The following SAMD12 variants were observed in gnomAD, a reference collection of about 807,000 sequenced individuals.
SAMD12 encodes the protein sterile alpha motif domain-containing protein 12.
In SAMD12, 9 loss-of-function variants were observed where a neutral mutation model predicts 15.0. The observed-to-expected ratio is 0.60, with a 90% CI of 0.36 to 1.05. The LOEUF (loss-of-function observed/expected upper bound fraction) is 1.05. Among genes scored for constraint, SAMD12 ranks in the 50% least tolerant of loss-of-function variants. The pLI is 0.01. For missense variants in SAMD12, 230 were observed against 234.2 expected (o/e 0.98, Z 0.12); for synonymous variants, 86 against 90.1 (o/e 0.96, Z 0.25).
downstream of SAMD12, among the ~76,000 whole-genome samples, chr8:118,188,986 G>C (rs1316475044): frequency 1.3e-5 from 2 of 152,128 alleles, no homozygotes; most frequent in Non-Finnish European, 2.9e-5. Context: ...CCATCTTAGA[G>C]AGATGGAGCA....
intron 2 of SAMD12, among the ~76,000 whole-genome samples, chr8:118,551,153 A>G (rs928412698): frequency 6.6e-6 from 1 of 152,184 alleles, no homozygotes; most frequent in Non-Finnish European, 1.5e-5. Flanking sequence ...CAGGAATGGA[A>G]ATCAGCTCTG....
chr8:118,580,886 G>A lies in SAMD12; in HGVS notation c.21C>T (p.His7=). The A allele has an allele frequency of 1.9e-6, 3 of 1,606,974 alleles. No homozygotes were observed. The highest frequency in any genetic ancestry group is 2.5e-6 in the Non-Finnish European group (3 of 1,177,328). ...CAATACCCCGTGGATTCAAACCACAGTGGAGAGCTAGGAAAAAGCAACAAA... is the reference window on the plus strand; with the variant it reads ...CAATACCCCGTGGATTCAAACCACAATGGAGAGCTAGGAAAAAGCAACAAA... The part of the protein sequence containing the change: MAVEAL[H]CGLNPRGIDH... Residue 7 remains histidine (H), a synonymous_variant, in exon 2 of 4, where the codon CAC becomes CAT. Transcript: ENST00000314727.
chr8:118,204,741 G>A (rs567982860), intron 4 of SAMD12, among the ~76,000 whole-genome samples: 44 of 152,144 alleles, frequency 2.9e-4, no homozygotes, highest in Non-Finnish European at 4.7e-4. Flanking sequence ...GCGACAGAGC[G>A]AGACTCTGTC....
chr8:118,525,487 C>T (rs1825510740), intron 2 of SAMD12, among the ~76,000 whole-genome samples: 1 of 152,174 alleles, frequency 6.6e-6, no homozygotes, highest in Admixed American at 6.5e-5. Context: ...ATGTCCCCAG[C>T]ACCCTGAGCA....
chr8:118,408,199 T>A (rs904568597), intron 3 of SAMD12, among the ~76,000 whole-genome samples: 2 of 152,198 alleles, frequency 1.3e-5, no homozygotes, highest in African/African-American at 4.8e-5. Flanking sequence ...GTGCCCCTTG[T>A]ATACATGCTA....
chr8:118,435,717 TAC>T (rs898150925), intron 3 of SAMD12, among the ~76,000 whole-genome samples: 3 of 152,154 alleles, frequency 2.0e-5, no homozygotes, highest in African/African-American at 4.8e-5. Context: ...TAAAAACAAA[TAC>T]AGACAATTTA....
chr8:118,490,490 C>T (rs1824412659), intron 2 of SAMD12, among the ~76,000 whole-genome samples: 1 of 152,042 alleles, frequency 6.6e-6, no homozygotes, highest in Non-Finnish European at 1.5e-5. Flanking sequence ...AATAATAAAG[C>T]CAGGATAGTC....
At chr8:118,165,592 A>T in the SAMD12 span, among the ~76,000 whole-genome samples, 1 of 106,992 alleles carries the variant, frequency 9.3e-6, no homozygotes, top group African/African-American at 3.9e-5. Flanking sequence ...ATCTATATAT[A>T]TACATATATA....
chr8:118,419,352 T>C (rs1821885044), intron 3 of SAMD12, among the ~76,000 whole-genome samples: 1 of 152,200 alleles, frequency 6.6e-6, no homozygotes, highest in African/African-American at 2.4e-5. Context: ...TAATATTCTA[T>C]CAACAGGGGT....
chr8:118,331,486 C>T lies in SAMD12; in HGVS notation c.433+48074G>A, dbSNP rs1816803577. On this transcript the variant is annotated intron_variant, in intron 4 of 4. Transcript: ENST00000409003. Reference sequence around the variant, plus strand: ...ATAGGGCCCCTGGAAAACAAGATACCAATGACATTTGTCTATGCGGTTTTC... The same window carrying T: ...ATAGGGCCCCTGGAAAACAAGATACTAATGACATTTGTCTATGCGGTTTTC... Among the ~76,000 whole-genome samples, 12 of 152,060 alleles carry T rather than the reference C, an allele frequency of 7.9e-5. No homozygotes were observed. In the South Asian group the frequency reaches 2.3e-3, roughly 29 times the overall value.
intron 4 of SAMD12, among the ~76,000 whole-genome samples, chr8:118,255,813 A>G (rs563186208): frequency 2.6e-5 from 4 of 152,238 alleles, no homozygotes; most frequent in Admixed American, 2.0e-4. Flanking sequence ...CGCAATAAAC[A>G]TAAGTATGCA....
chr8:118,430,751 G>C (rs1267923155), intron 3 of SAMD12, among the ~76,000 whole-genome samples: 5 of 152,134 alleles, frequency 3.3e-5, no homozygotes. Flanking sequence ...CTGTGTTAGT[G>C]TAATACATCT....
chr8:118,154,782 A>G, the SAMD12 span, among the ~76,000 whole-genome samples: 1 of 152,224 alleles, frequency 6.6e-6, no homozygotes, highest in Admixed American at 6.5e-5. Flanking sequence ...CATGAGTTAA[A>G]GTAAAATATC....
At chr8:118,432,254 T>C (rs1413429275) in intron 3 of SAMD12, among the ~76,000 whole-genome samples, 1 of 152,182 alleles carries the variant, frequency 6.6e-6, no homozygotes, top group African/African-American at 2.4e-5. Context: ...GTTCTGATGA[T>C]TACTTTGTCT....
intron 1 of SAMD12, among the ~76,000 whole-genome samples, chr8:118,589,143 T>C (rs969179376): frequency 6.6e-5 from 10 of 152,222 alleles, no homozygotes; most frequent in African/African-American, 2.2e-4. Flanking sequence ...ATTACATCAA[T>C]GAGAAAGACA....
chr8:118,579,027 G>GAAAAGACA (rs1331803547), intron 2 of SAMD12, among the ~76,000 whole-genome samples: 5 of 152,186 alleles, frequency 3.3e-5, no homozygotes, highest in Non-Finnish European at 7.4e-5. Flanking sequence ...TGCTTCAGAG[G>GAAAAGACA]CAAAGACACA....
chr8:118,249,519 C>T (rs990198214), intron 4 of SAMD12, among the ~76,000 whole-genome samples: 5 of 152,254 alleles, frequency 3.3e-5, no homozygotes, highest in Admixed American at 1.3e-4. Flanking sequence ...GCAGAACCCA[C>T]GGATTTGAAG....
At chr8:118,380,247 T>C (rs192225589) in intron 3 of SAMD12, among the ~76,000 whole-genome samples, 21 of 152,342 alleles carry the variant, frequency 1.4e-4, no homozygotes, top group Non-Finnish European at 2.6e-4. Flanking sequence ...ACACTCCTGC[T>C]GTACCCCTGG....
At chr8:118,555,725 T>C (rs1258770581) in intron 2 of SAMD12, among the ~76,000 whole-genome samples, 1 of 152,236 alleles carries the variant, frequency 6.6e-6, no homozygotes, top group African/African-American at 2.4e-5. Context: ...TGCCAATGAA[T>C]TGCAGACCAG....
Sources: gnomAD v4.1 joint callset for allele counts (sites outside exome capture counted in the v4.1 genomes callset) on GRCh38, gnomAD v4.1.1 for gene constraint, MANE v1.5 for transcripts, NCBI Gene and HGNC (gene_info 2026-07-23, HGNC 2026-07-21) for gene names.